SPACA7: variants seen among roughly 807,000 people sequenced by gnomAD.
The protein encoded by SPACA7 is sperm acrosome associated 7.
A neutral mutation model predicts 26.3 loss-of-function variants in SPACA7; 19 were observed. The observed-to-expected ratio is 0.72, with a 90% CI of 0.50 to 1.06. The LOEUF (loss-of-function observed/expected upper bound fraction) is 1.06. Among genes scored for constraint, SPACA7 ranks in the 50% least tolerant of loss-of-function variants. SPACA7 has a pLI of 0.00. For missense variants in SPACA7, 211 were observed against 229.9 expected, an observed-to-expected ratio of 0.92 and a Z score of 0.53; for synonymous variants, 84 against 84.5, an observed-to-expected ratio of 0.99 and a Z score of 0.04.
intron 5 of SPACA7, among the ~76,000 whole-genome samples, chr13:112,431,882 G>T (rs558246612): frequency 6.6e-6 from 1 of 152,222 alleles, no homozygotes; most frequent in Non-Finnish European, 1.5e-5. Flanking sequence ...AGCTGGGGCC[G>T]GTTTGGGGGG....
In SPACA7 at chr13:112,398,098, C is replaced by G; in HGVS notation, c.201C>G (p.Ser67Arg). Reference sequence around the variant, plus strand: ...TAGATCTGAATAAAACAACACCGAGCGAAATGCCAAGTACAGCATCAACAT... The same window carrying G: ...TAGATCTGAATAAAACAACACCGAGGGAAATGCCAAGTACAGCATCAACAT... ...EILDLNKTTP[S>R]EMPSTASTLS... The change falls in exon 3 of 7, where the codon AGC becomes AGG. Residue 67 changes from serine to arginine, a missense_variant. Physicochemically the swap from Ser to Arg is moderately radical, Grantham distance 110. Coordinates refer to ENST00000283550, the MANE Select transcript of SPACA7 (RefSeq NM_145248.5). 6.2e-7 allele frequency: 1 copy of G among 1,613,868 alleles called. No individual in the cohort carries two copies. Among genetic ancestry groups the G allele is most frequent in the Middle Eastern group, 1.7e-4 (1 of 6,060 alleles).
intron 4 of SPACA7, 54 bp downstream of exon 4, chr13:112,399,227 T>C: frequency 1.0e-6 from 1 of 969,034 alleles, no homozygotes; most frequent in Non-Finnish European, 1.7e-6. Flanking sequence ...ATGGGAGAGG[T>C]AGGAGGCAGG....
At chr13:112,388,345 C>G (rs1884665153) in intron 1 of SPACA7, among the ~76,000 whole-genome samples, 1 of 152,206 alleles carries the variant, frequency 6.6e-6, no homozygotes, top group Non-Finnish European at 1.5e-5. Flanking sequence ...AGACACACTA[C>G]AGTGGGGCTA....
At chr13:112,405,494 A>G (rs1885927153) in intron 5 of SPACA7, among the ~76,000 whole-genome samples, 1 of 152,122 alleles carries the variant, frequency 6.6e-6, no homozygotes, top group African/African-American at 2.4e-5. Flanking sequence ...TTTGTTTTTC[A>G]TAATAATTTC....
intron 6 of SPACA7, among the ~76,000 whole-genome samples, chr13:112,432,844 C>T (rs1877297780): frequency 6.6e-6 from 1 of 152,216 alleles, no homozygotes; most frequent in South Asian, 2.1e-4. Context: ...AGGGTCTCAA[C>T]CACGTGATGA....
At chr13:112,406,210 A>AC (rs1278855118) in intron 5 of SPACA7, among the ~76,000 whole-genome samples, 1 of 151,996 alleles carries the variant, frequency 6.6e-6, no homozygotes, top group Non-Finnish European at 1.5e-5. Context: ...TATTTCTATC[A>AC]CCCCAAATTG....
intron 5 of SPACA7, among the ~76,000 whole-genome samples, chr13:112,404,979 T>G (rs1041919595): frequency 9.4e-5 from 3 of 32,046 alleles, no homozygotes; most frequent in African/African-American, 3.4e-4. Flanking sequence ...TATTCTCTTC[T>G]TTTTTTTTTT....
Position 112,390,638 on chromosome 13 carries a change from C to T in SPACA7, c.95-2383C>T, listed in dbSNP as rs1388818248. Among the ~76,000 whole-genome samples, 3 of 152,152 alleles carry T rather than the reference C, an allele frequency of 2.0e-5. No individual in the cohort carries two copies. In the East Asian group the frequency reaches 5.8e-4, roughly 29 times the overall value. On this transcript the variant is annotated intron_variant, in intron 1 of 6. Coordinates refer to ENST00000283550, the MANE Select transcript of SPACA7 (RefSeq NM_145248.5). ...GGAAACTTACAATCATGGCAGAAGG[C>T]AAAGGAGAAGCAAGTACATCTTACA...
chr13:112,396,032 G>A (rs962245772), intron 2 of SPACA7, among the ~76,000 whole-genome samples: 6 of 141,698 alleles, frequency 4.2e-5, no homozygotes, highest in Non-Finnish European at 9.7e-5. Context: ...GCCTCTCTTT[G>A]GCCCCCAAAG....
intron 1 of SPACA7, among the ~76,000 whole-genome samples, chr13:112,388,017 G>A (rs925029735): frequency 6.6e-6 from 1 of 152,138 alleles, no homozygotes; most frequent in African/African-American, 2.4e-5. Context: ...GGCGAAGACA[G>A]GCCTATTGAG....
chr13:112,417,826 G>A (rs1247002594), intron 5 of SPACA7, among the ~76,000 whole-genome samples: 1 of 152,106 alleles, frequency 6.6e-6, no homozygotes, highest in Admixed American at 6.5e-5. Context: ...ATCAATAAAT[G>A]TTGCATGGAG....
intron 5 of SPACA7, among the ~76,000 whole-genome samples, chr13:112,427,848 T>G (rs565785364): frequency 2.0e-5 from 3 of 151,644 alleles, no homozygotes; most frequent in Non-Finnish European, 4.4e-5. Flanking sequence ...TTCACAATAG[T>G]TTTTTTTTAT....
chr13:112,392,904 A>G (rs1884985058), intron 1 of SPACA7, 117 bp from the exon 2 acceptor site: 1 of 713,884 alleles, frequency 1.4e-6, no homozygotes, highest in Non-Finnish European at 2.3e-6. Flanking sequence ...GAACTTGGGC[A>G]GGGCTCCTTC....
intron 5 of SPACA7, among the ~76,000 whole-genome samples, chr13:112,419,943 T>C (rs572543618): frequency 6.6e-6 from 1 of 152,250 alleles, no homozygotes; most frequent in Admixed American, 6.5e-5. Context: ...ACTACGAAAG[T>C]CTCTGGCCCC....
Position 112,434,661 on chromosome 13 carries a change from A to C in SPACA7, c.*112A>C, listed in dbSNP as rs185818642. 1,970 of 828,526 alleles carry C rather than the reference A, an allele frequency of 2.4e-3. 3 individuals are homozygous for C. The highest frequency in any genetic ancestry group is 2.9e-3 in the Non-Finnish European group (1,517 of 517,554). The allele number at this position is 828,526 out of a possible 1,614,324, so 51.3% of individuals were successfully genotyped here. Reference sequence around the variant, plus strand: ...ACGCCCACGTTCTCTGAACCATTCCACATAAAGGAAAATCGTTTATTCACA... The same window carrying C: ...ACGCCCACGTTCTCTGAACCATTCCCCATAAAGGAAAATCGTTTATTCACA... On this transcript the variant is annotated 3_prime_UTR_variant, in exon 7 of 7. Transcript: ENST00000283550.
intron 3 of SPACA7, among the ~76,000 whole-genome samples, chr13:112,398,570 G>A (rs1274717565): frequency 6.6e-6 from 1 of 152,158 alleles, no homozygotes; most frequent in African/African-American, 2.4e-5. Context: ...TAAAACCAAG[G>A]TCTAGCAAAT....
At position 112,386,354 on chromosome 13, in the gene SPACA7, G is replaced by A. The variant is rs538988420; in HGVS notation, c.95-6667G>A. On this transcript the variant is annotated intron_variant, in intron 1 of 6. Transcript: ENST00000283550. ...ACACACCAAAGCTTTTTTATACTGCGAAGTAGTTTCTGATACCCCCAAAAC... is the reference window on the plus strand; with the variant it reads ...ACACACCAAAGCTTTTTTATACTGCAAAGTAGTTTCTGATACCCCCAAAAC... Among the ~76,000 whole-genome samples the A allele has an allele frequency of 7.2e-5, 11 of 152,240 alleles. No individual in the cohort carries two copies. The South Asian group carries it at 2.1e-3, about 29-fold the overall frequency.
At chr13:112,412,840 C>A (rs1886437460) in intron 5 of SPACA7, among the ~76,000 whole-genome samples, 1 of 152,076 alleles carries the variant, frequency 6.6e-6, no homozygotes, top group African/African-American at 2.4e-5. Context: ...GTATTTATTA[C>A]AGATTTTTGC....
intron 1 of SPACA7, among the ~76,000 whole-genome samples, chr13:112,383,141 GAAAGAAAGAAAGAAAGAAAGAAAGAA>G (rs1884268212): frequency 2.8e-5 from 1 of 35,862 alleles, no homozygotes; most frequent in South Asian, 7.7e-4. Flanking sequence ...AAGAAAGAAA[GAAAGAAAGAAAGAAAGAAAGAAAGAA>G]AGAAAGAAAG....
Sources: allele counts gnomAD v4.1 joint callset (sites outside exome capture counted in the v4.1 genomes callset), GRCh38; gene constraint gnomAD v4.1.1; transcripts MANE v1.5; gene names NCBI Gene and HGNC (gene_info 2026-07-23, HGNC 2026-07-21).